The following LONP2 variants were observed in gnomAD, a reference collection of about 807,000 sequenced individuals.
The protein encoded by LONP2 is lon peptidase 2, peroxisomal.
Under a neutral mutation model 85.6 loss-of-function variants are expected in LONP2, and 60 were observed. The observed-to-expected ratio is 0.70, with a 90% CI of 0.57 to 0.87. LONP2 has a LOEUF of 0.87. LONP2 is among the 40% of genes least tolerant of loss of function. The probability of loss-of-function intolerance (pLI) is 0.00; values close to 1 mark genes in which losing one functional copy is unlikely to be tolerated. For missense variants in LONP2, 860 were observed against 1,063.5 expected (o/e 0.81, Z 2.66); for synonymous variants, 395 against 389.7 (o/e 1.01, Z -0.16).
At chr16:48,272,459 T>C (rs2150978709) in intron 7 of LONP2, among the ~76,000 whole-genome samples, 1 of 152,184 alleles carries the variant, frequency 6.6e-6, no homozygotes, top group Non-Finnish European at 1.5e-5. Flanking sequence ...AAATTTGTTC[T>C]TTTTTTCAAG....
chr16:48,293,194 C>G lies in LONP2; in HGVS notation c.1384-2821C>G, dbSNP rs1365251319. ...CTGTAATCCCAGCACTTTGGGAGGC[C>G]GAGGTGGGCAGATCACGAGGTCAGG... is the stretch of plus-strand genomic sequence containing the variant. On this transcript the variant is annotated intron_variant, in intron 8 of 14. Coordinates refer to ENST00000285737, the MANE Select transcript of LONP2 (RefSeq NM_031490.5). 1.3e-5 allele frequency among the ~76,000 whole-genome samples: 2 copies of G among 151,990 alleles called. 1 individual carries two copies. Among genetic ancestry groups the G allele is most frequent in the Admixed American group, 1.3e-4 (2 of 15,260 alleles).
At chr16:48,265,614 G>A (rs1971974167) in intron 6 of LONP2, among the ~76,000 whole-genome samples, 1 of 152,162 alleles carries the variant, frequency 6.6e-6, no homozygotes, top group Admixed American at 6.5e-5. Flanking sequence ...CATACTCTCT[G>A]ATTACTGTAG....
chr16:48,347,192 A>G (rs565364654), intron 12 of LONP2, among the ~76,000 whole-genome samples: 14 of 152,086 alleles, frequency 9.2e-5, no homozygotes, highest in African/African-American at 2.9e-4. Context: ...AGATACTTAG[A>G]TAAAACTATT....
intron 11 of LONP2, among the ~76,000 whole-genome samples, chr16:48,325,020 A>C (rs981177094): frequency 6.6e-6 from 1 of 152,174 alleles, no homozygotes; most frequent in African/African-American, 2.4e-5. Context: ...AGTGGTCCCC[A>C]ACCTTTTTGG....
At chr16:48,256,538 T>C in intron 2 of LONP2, 72 bp from the exon 3 acceptor site, 1 of 1,514,982 alleles carries the variant, frequency 6.6e-7, no homozygotes, top group Non-Finnish European at 9.1e-7. Flanking sequence ...TAAACCTAGA[T>C]GGAAATCTGA....
chr16:48,306,925 C>A (rs901595793), intron 11 of LONP2, among the ~76,000 whole-genome samples: 1 of 152,002 alleles, frequency 6.6e-6, no homozygotes, highest in African/African-American at 2.4e-5. Context: ...TTTCCTAATT[C>A]AAGCACGAGA....
At chr16:48,262,953 CACT>C in intron 6 of LONP2, 81 bp downstream of exon 6, 1 of 861,270 alleles carries the variant, frequency 1.2e-6, no homozygotes, top group Non-Finnish European at 1.8e-6. Flanking sequence ...AAATTTACTC[CACT>C]GATTGTCGTA....
At chr16:48,257,968 A>G (rs879682471) in intron 3 of LONP2, among the ~76,000 whole-genome samples, 11 of 152,234 alleles carry the variant, frequency 7.2e-5, no homozygotes, top group Non-Finnish European at 1.5e-4. Flanking sequence ...GTTTAGATCT[A>G]ATATGAAAAC....
chr16:48,247,198 GC>G (rs1413292808), intron 1 of LONP2: 1 of 151,280 alleles, frequency 6.6e-6, no homozygotes, highest in East Asian at 1.9e-4. Context: ...CTCTAATAGG[GC>G]CTTTAAAACA....
Position 48,347,605 on chromosome 16 carries a change from C to A in LONP2, c.2037C>A (p.Gly679=), listed in dbSNP as rs768589313. The change falls in exon 13 of 15, where the codon GGC becomes GGA. Residue 679 remains glycine, a synonymous_variant. Transcript: ENST00000285737. ...IMFVEASRMD[G]EGQLTLTGQL... is the part of the protein sequence containing the mutation. ...TCGTGGAGGCGAGTCGAATGGATGG[C>A]GAGGGCCAGTTAACTCTGACCGGCC... 1.2e-6 allele frequency: 2 copies of A among 1,614,226 alleles called. No homozygotes were observed. The highest frequency in any genetic ancestry group is 8.5e-7 in the Non-Finnish European group (1 of 1,180,036).
At chr16:48,293,012 C>G (rs1972587396) in intron 8 of LONP2, among the ~76,000 whole-genome samples, 1 of 152,128 alleles carries the variant, frequency 6.6e-6, no homozygotes, top group Non-Finnish European at 1.5e-5. Flanking sequence ...AATTTTCCTA[C>G]TTTTTAAAAA....
In LONP2 at chr16:48,257,225, C is replaced by T. The variant is rs533909801; in HGVS notation, c.600+484C>T. Among the ~76,000 whole-genome samples, 5 of 152,144 alleles carry T rather than the reference C, an allele frequency of 3.3e-5. No individual in the cohort carries two copies. The East Asian group carries it at 9.7e-4, about 29-fold the overall frequency. On this transcript the variant is annotated intron_variant, in intron 3 of 14. Coordinates refer to ENST00000285737, the MANE Select transcript of LONP2 (RefSeq NM_031490.5). ...ACTCGAGAGGCTGAGGCAGGAGAAT[C>T]GCTTGAACCTGGGAGGCAGAGGCTG...
intron 11 of LONP2, among the ~76,000 whole-genome samples, chr16:48,332,974 G>A (rs1302245826): frequency 6.6e-6 from 1 of 152,094 alleles, no homozygotes; most frequent in Non-Finnish European, 1.5e-5. Flanking sequence ...ATTAATATAC[G>A]AAGCAATCAC....
chr16:48,273,301 C>G (rs1030644327), intron 7 of LONP2, among the ~76,000 whole-genome samples: 1 of 151,940 alleles, frequency 6.6e-6, no homozygotes, highest in African/African-American at 2.4e-5. Flanking sequence ...AGAAGGATGC[C>G]GATAAGTTGG....
intron 8 of LONP2, among the ~76,000 whole-genome samples, chr16:48,294,111 A>AT (rs1046825675): frequency 7.3e-5 from 11 of 150,626 alleles, no homozygotes; most frequent in East Asian, 1.9e-4. Flanking sequence ...TAATTTTTGT[A>AT]TTTTTTTTTA....
rs1960349695 is a variant in LONP2 at position 48,356,258 on chromosome 16, A to G, written c.*4456A>G. The G allele has an allele frequency of 6.5e-6, 1 of 152,740 alleles. No individual in the cohort carries two copies. The highest frequency in any genetic ancestry group is 1.5e-5 in the Non-Finnish European group (1 of 68,442). The allele number at this position is 152,740 out of a possible 1,614,324, so 9.5% of individuals were successfully genotyped here. A position where few individuals can be genotyped will look rare whatever the true frequency, so the allele number is the denominator to read the frequency against. ...ACCAAAATCAGCTATGTGGCCAGGT[A>G]ATTCACTGCTGAGGGCTTTGGATTT... On this transcript the variant is annotated 3_prime_UTR_variant, in exon 15 of 15. Transcript: ENST00000285737.
In LONP2 at chr16:48,354,078, T is replaced by TGG. The variant is rs1388591170; in HGVS notation, c.*2276_*2277insGG. The TGG allele has an allele frequency of 3.6e-3, 26 of 7,286 alleles. 1 individual carries two copies. Among genetic ancestry groups the TGG allele is most frequent in the African/African-American group, 0.014 (25 of 1,746 alleles). 0.5% of individuals were successfully genotyped at this position (7,286 alleles called of 1,614,324 possible). ...CCTTTTTCACCTGGGTTTTTTTTTT[T>TGG]TGGGGGGGGTGGGGGGTTAGGGGTG... On this transcript the variant is annotated 3_prime_UTR_variant, in exon 15 of 15. Transcript: ENST00000285737.
At position 48,353,756 on chromosome 16, in the gene LONP2, TC is replaced by T. The variant is rs1317455703; in HGVS notation, c.*1956del. The T allele has an allele frequency of 6.6e-5, 10 of 152,086 alleles. No homozygotes were observed. The allele number at this position is 152,086 out of a possible 1,614,324, so 9.4% of individuals were successfully genotyped here. A position where few individuals can be genotyped will look rare whatever the true frequency, so the allele number is the denominator to read the frequency against. ...ACTTTCAGCAACCAGAGGGCGCTAA[TC>T]CACACCCACATCGCTCTGCCCTGTT... On this transcript the variant is annotated 3_prime_UTR_variant, in exon 15 of 15. Coordinates refer to ENST00000285737, the MANE Select transcript of LONP2 (RefSeq NM_031490.5).
At chr16:48,298,480 T>C (rs935885250) in intron 9 of LONP2, among the ~76,000 whole-genome samples, 1 of 151,974 alleles carries the variant, frequency 6.6e-6, no homozygotes, top group Non-Finnish European at 1.5e-5. Context: ...CACACACATA[T>C]ATATATATAC....
Sources: allele counts gnomAD v4.1 joint callset (sites outside exome capture counted in the v4.1 genomes callset), GRCh38; gene constraint gnomAD v4.1.1; transcripts MANE v1.5; gene names NCBI Gene and HGNC (gene_info 2026-07-23, HGNC 2026-07-21).